GNG12: variants seen among roughly 807,000 people sequenced by gnomAD.
The protein encoded by GNG12 is G protein subunit gamma 12.
For missense variants in GNG12, 69 were observed against 83.8 expected, an observed-to-expected ratio of 0.82 and a Z score of 0.69; for synonymous variants, 28 against 29.7, an observed-to-expected ratio of 0.94 and a Z score of 0.19.
At chr1:67,809,418 A>G (rs1056668193) in intron 1 of GNG12, among the ~76,000 whole-genome samples, 2 of 152,204 alleles carry the variant, frequency 1.3e-5, no homozygotes, top group African/African-American at 4.8e-5. Flanking sequence ...CATGAACCAC[A>G]AAAGAGAGAA....
Position 67,705,507 on chromosome 1 carries a change from C to T in GNG12, c.163G>A (p.Gly55Arg), listed in dbSNP as rs1488075655. ...AAAGGGTTTTCTGAAGTTGGTATTC[C>T]TATCAGCAAAGGGTCACTCCTGGCA... ...EHARSDPLLI[G>R]IPTSENPFKD... Residue 55 changes from glycine (G) to arginine (R), a missense_variant, in exon 4 of 4, where the codon GGA becomes AGA. Gly to Arg is a moderately radical substitution (Grantham distance 125). Transcript: ENST00000370982. The T allele has an allele frequency of 1.2e-6, 2 of 1,614,070 alleles. No homozygotes were observed. The highest frequency in any genetic ancestry group is 1.7e-6 in the Non-Finnish European group (2 of 1,179,996).
intron 1 of GNG12, among the ~76,000 whole-genome samples, chr1:67,796,264 G>A (rs957948298): frequency 5.3e-5 from 8 of 152,116 alleles, no homozygotes; most frequent in African/African-American, 1.9e-4. Flanking sequence ...TGAAAAGCCC[G>A]ACACACATAC....
chr1:67,735,852 A>AT (rs1239900750), intron 2 of GNG12, among the ~76,000 whole-genome samples: 1 of 152,174 alleles, frequency 6.6e-6, no homozygotes. Context: ...AAGGGAAAAT[A>AT]TTTTTTTAAA....
At chr1:67,713,536 C>T (rs1386503433) in intron 2 of GNG12, among the ~76,000 whole-genome samples, 1 of 152,080 alleles carries the variant, frequency 6.6e-6, no homozygotes, top group Admixed American at 6.5e-5. Flanking sequence ...GGGAGGAAGG[C>T]ACCAGGAAGC....
rs1454802490 is a variant in GNG12 at position 67,822,871 on chromosome 1, A to G, written c.-77+10473T>C. 2.0e-5 allele frequency among the ~76,000 whole-genome samples: 3 copies of G among 152,240 alleles called. No individual in the cohort carries two copies. In the East Asian group the frequency reaches 5.8e-4, roughly 29 times the overall value. The stretch of plus-strand genomic sequence containing the variant: ...ATTTCCCTCTCTTTCAATGGCATTT[A>G]GTTTTTGAAAGATGAAAATTAATTT... On this transcript the variant is annotated intron_variant, in intron 1 of 3. Transcript: ENST00000370982.
chr1:67,795,205 C>A (rs1393349033), intron 1 of GNG12, among the ~76,000 whole-genome samples: 1 of 152,156 alleles, frequency 6.6e-6, no homozygotes, highest in Non-Finnish European at 1.5e-5. Context: ...TTTTAATATC[C>A]TGCAATTTTG....
chr1:67,734,326 TG>T (rs1418093336), intron 2 of GNG12, among the ~76,000 whole-genome samples: 1 of 152,118 alleles, frequency 6.6e-6, no homozygotes, highest in Non-Finnish European at 1.5e-5. Context: ...TTCTGAAGAC[TG>T]GGGAAACAGC....
At chr1:67,810,138 C>T (rs930574658) in intron 1 of GNG12, among the ~76,000 whole-genome samples, 1 of 152,048 alleles carries the variant, frequency 6.6e-6, no homozygotes, top group Non-Finnish European at 1.5e-5. Context: ...AACTTAAATG[C>T]GTATTACTAA....
intron 2 of GNG12, among the ~76,000 whole-genome samples, chr1:67,716,141 G>A (rs1646324207): frequency 6.6e-6 from 1 of 152,188 alleles, no homozygotes; most frequent in Non-Finnish European, 1.5e-5. Flanking sequence ...GGGAAATGTG[G>A]TTTCGGGTAG....
At chr1:67,714,383 A>G (rs1646312981) in intron 2 of GNG12, among the ~76,000 whole-genome samples, 1 of 152,198 alleles carries the variant, frequency 6.6e-6, no homozygotes. Context: ...CACTTCCCAG[A>G]TCTAAGGCCT....
At chr1:67,769,646 A>T (rs900503162) in intron 2 of GNG12, among the ~76,000 whole-genome samples, 2 of 152,222 alleles carry the variant, frequency 1.3e-5, no homozygotes, top group Non-Finnish European at 2.9e-5. Flanking sequence ...GTTGGTATGC[A>T]GGTAGAGGAA....
At chr1:67,744,003 G>T (rs1646495872) in intron 2 of GNG12, among the ~76,000 whole-genome samples, 1 of 152,208 alleles carries the variant, frequency 6.6e-6, no homozygotes, top group Admixed American at 6.5e-5. Context: ...TTTTGTGTGT[G>T]TGTGCGTGGG....
intron 2 of GNG12, among the ~76,000 whole-genome samples, chr1:67,722,786 T>C (rs895917908): frequency 2.0e-5 from 3 of 152,018 alleles, no homozygotes; most frequent in Non-Finnish European, 4.4e-5. Context: ...GGAACAGAAA[T>C]GGGAGACAGT....
intron 1 of GNG12, among the ~76,000 whole-genome samples, chr1:67,826,613 G>A (rs1441994021): frequency 1.3e-5 from 2 of 152,120 alleles, no homozygotes; most frequent in African/African-American, 2.4e-5. Flanking sequence ...CACAGCTCAG[G>A]CACCTAGTCT....
chr1:67,786,959 G>T (rs1367808120), intron 1 of GNG12, among the ~76,000 whole-genome samples: 1 of 147,256 alleles, frequency 6.8e-6, no homozygotes, highest in African/African-American at 2.6e-5. Flanking sequence ...GTGTGTGTGT[G>T]TGTGTGTGTG....
At chr1:67,756,924 G>A (rs557839425) in intron 2 of GNG12, among the ~76,000 whole-genome samples, 2 of 152,286 alleles carry the variant, frequency 1.3e-5, no homozygotes, top group South Asian at 2.1e-4. Context: ...TCAGCCCCAG[G>A]TGGCCTGACA....
intron 1 of GNG12, among the ~76,000 whole-genome samples, chr1:67,817,946 C>T (rs946949546): frequency 1.8e-4 from 27 of 151,818 alleles, no homozygotes; most frequent in Non-Finnish European, 2.5e-4. Context: ...ACCACTGCAC[C>T]CAGCTAATTT....
intron 1 of GNG12, among the ~76,000 whole-genome samples, chr1:67,807,081 A>T (rs1278363894): frequency 1.3e-5 from 2 of 152,204 alleles, no homozygotes; most frequent in Non-Finnish European, 2.9e-5. Flanking sequence ...TAAACCATAC[A>T]ATGTCTGCTT....
intron 2 of GNG12, among the ~76,000 whole-genome samples, chr1:67,739,196 A>C (rs572503822): frequency 6.6e-6 from 1 of 152,128 alleles, no homozygotes; most frequent in Non-Finnish European, 1.5e-5. Context: ...AAACAAAAAC[A>C]AAAAAACCCC....
Sources: gnomAD v4.1 joint callset for allele counts (sites outside exome capture counted in the v4.1 genomes callset) on GRCh38, gnomAD v4.1.1 for gene constraint, MANE v1.5 for transcripts, NCBI Gene and HGNC (gene_info 2026-07-23, HGNC 2026-07-21) for gene names.